PER1: variants seen among roughly 807,000 people sequenced by gnomAD.
PER1 encodes the protein period circadian regulator 1, also known as period circadian protein homolog 1.
In PER1, 87 loss-of-function variants were observed where a neutral mutation model predicts 125.9. The ratio of observed to expected loss-of-function variants is 0.69; its 90% CI spans 0.58 to 0.83. PER1 has a LOEUF of 0.83. Among genes scored for constraint, PER1 ranks in the 40% least tolerant of loss-of-function variants. PER1 has a pLI of 0.00. For synonymous variants in PER1, 801 were observed against 714.7 expected (o/e 1.12, Z -1.93); for missense variants, 1,775 against 1,722.8 (o/e 1.03, Z -0.54).
rs112743620 is a variant in PER1, at chr17:8,142,396, C to T, written c.3322G>A (p.Ala1108Thr). Residue 1108 changes from alanine to threonine, a missense_variant, in exon 21 of 23, where the codon GCT (alanine) becomes ACT (threonine). Coordinates refer to ENST00000317276, the MANE Select transcript of PER1 (RefSeq NM_002616.3). ...FGSIDSSEAE[A>T]GAARGGAEPG... The stretch of plus-strand genomic sequence containing the variant: ...TCAGCCCCGCCCCGAGCAGCCCCAG[C>T]CTCAGCCTCGGAAGAGTCGATGCTG... The T allele has an allele frequency of 1.4e-3, 2,260 of 1,611,716 alleles. 1 individual carries two copies. The highest frequency in any genetic ancestry group is 1.7e-3 in the Non-Finnish European group (2,027 of 1,179,134).
At chr17:8,147,040 G>T in intron 13 of PER1, 38 bp from the exon 14 acceptor site, 2 of 1,545,044 alleles carry the variant, frequency 1.3e-6, no homozygotes, top group East Asian at 2.2e-5. Context: ...GAACCAGGGG[G>T]TGTCGCCAGT....
intron 1 of PER1, 109 bp from the exon 2 acceptor site, chr17:8,150,954 G>A (rs1312959983): frequency 2.1e-6 from 1 of 482,600 alleles, no homozygotes. Flanking sequence ...CAGGACTGAT[G>A]GGAGTGGAAC....
chr17:8,150,104 T>C lies in PER1; in HGVS notation c.396A>G (p.Ala132=), dbSNP rs758145225. The C allele has an allele frequency of 1.2e-6, 2 of 1,614,174 alleles. No homozygotes were observed. Reference sequence around the variant, plus strand: ...CTGTCATGAGTTCCTTCTGAGTCCTTGCCCGGGCTGACTGTTCACTGCTGC... The same window carrying C: ...CTGTCATGAGTTCCTTCTGAGTCCTCGCCCGGGCTGACTGTTCACTGCTGC... ...SGCSSEQSAR[A]RTQKELMTAL... The change falls in exon 4 of 23, where the codon GCA becomes GCG. Residue 132 remains alanine (A), a synonymous_variant. Coordinates refer to ENST00000317276, the MANE Select transcript of PER1 (RefSeq NM_002616.3).
rs1287198003 is a variant in PER1, at chr17:8,144,740, C to T, written c.2461+11G>A. 6.4e-7 allele frequency: 1 copy of T among 1,558,310 alleles called. No homozygotes were observed. The highest frequency in any genetic ancestry group is 1.4e-5 in the African/African-American group (1 of 73,702). ...GCAGAGGGCAGGCTCCAGGAGGCCC[C>T]AGGTGGCTACCTCGCTCGCCAAGGG... On this transcript the variant is annotated intron_variant, in intron 18 of 22. Coordinates refer to ENST00000317276, the MANE Select transcript of PER1 (RefSeq NM_002616.3).
chr17:8,148,839 C>T, intron 7 of PER1, 53 bp from the exon 8 acceptor site: 2 of 1,599,052 alleles, frequency 1.3e-6, no homozygotes, highest in Non-Finnish European at 1.7e-6. Flanking sequence ...CCACCCACTC[C>T]TCCAACAATA....
chr17:8,144,277 C>T (rs895863133), intron 18 of PER1: 11 of 398,574 alleles, frequency 2.8e-5, no homozygotes, highest in African/African-American at 8.3e-5. Context: ...GCCTAGCTTG[C>T]AATGGAGTGA....
At position 8,141,933 on chromosome 17, in the gene PER1, G is replaced by A; in HGVS notation, c.3472C>T (p.Gln1158Ter). The part of the protein sequence containing the change: ...PSRDMTSVLK[Q>*]DRERLRAMQK... ...ATGGCTCGGAGCCGCTCCCGATCCT[G>A]CTTCAGCACAGAGGTCATGTCCCTG... The change falls in exon 22 of 23, where the codon CAG becomes TAG. Residue 1158 changes from glutamine (Q) to a stop codon, truncating the protein, a stop_gained. Transcript: ENST00000317276. LOFTEE classifies it high-confidence loss of function. 6.2e-7 allele frequency: 1 copy of A among 1,614,042 alleles called. No homozygotes were observed.
rs1598243586 is a variant in PER1 at position 8,140,878 on chromosome 17, GCT to G, written c.*188_*189del. The G allele has an allele frequency of 8.0e-6, 5 of 622,820 alleles. No individual in the cohort carries two copies. In the East Asian group the frequency reaches 1.4e-4, roughly 17 times the overall value. 38.6% of individuals were successfully genotyped at this position (622,820 alleles called of 1,614,324 possible). A position where few individuals can be genotyped will look rare whatever the true frequency, so the allele number is the denominator to read the frequency against. On this transcript the variant is annotated 3_prime_UTR_variant, in exon 23 of 23. Coordinates refer to ENST00000317276, the MANE Select transcript of PER1 (RefSeq NM_002616.3). Reference sequence around the variant, plus strand: ...CCTCTGGGCTGGGCTGCGGAGTTCTGCTCTCTGCTCCCTAAGAGGCCAGAGGC... The same window carrying G: ...CCTCTGGGCTGGGCTGCGGAGTTCTGCTCTGCTCCCTAAGAGGCCAGAGGC...
rs1982650134 is a variant in PER1 at position 8,149,072 on chromosome 17, C to T, written c.905+187G>A. ...GGCGTGGTGGCGCATGCCTGTAATC[C>T]CAGCTACTTGGGAGGCTGAGGCAGG... On this transcript the variant is annotated intron_variant, in intron 7 of 22. Coordinates refer to ENST00000317276, the MANE Select transcript of PER1 (RefSeq NM_002616.3). 1.1e-5 allele frequency: 7 copies of T among 640,276 alleles called. No individual in the cohort carries two copies. In the South Asian group the frequency reaches 1.3e-4, roughly 12 times the overall value. The allele number at this position is 640,276 out of a possible 1,614,324, so 39.7% of individuals were successfully genotyped here. A position where few individuals can be genotyped will look rare whatever the true frequency, so the allele number is the denominator to read the frequency against.
Position 8,150,675 on chromosome 17 carries a change from C to CCCCCATCAG in PER1, c.23_31dup (p.Ala8_Gly10dup). On this transcript the variant is annotated inframe_insertion, in exon 2 of 23. Coordinates refer to ENST00000317276, the MANE Select transcript of PER1 (RefSeq NM_002616.3). ...TGATTCCCCAGGCCTGGGGTCCCCTCCCCCATCAGCCCCTTCTAGGGGGCC... is the reference window on the plus strand; with the variant it reads ...TGATTCCCCAGGCCTGGGGTCCCCTCCCCCATCAGCCCCATCAGCCCCTTCTAGGGGGCC... 4 of 1,581,574 alleles carry CCCCCATCAG rather than the reference C, an allele frequency of 2.5e-6. No homozygotes were observed. The highest frequency in any genetic ancestry group is 3.4e-6 in the Non-Finnish European group (4 of 1,166,638).
chr17:8,146,442 G>A lies in PER1; in HGVS notation c.1968C>T (p.Ser656=), dbSNP rs924810318. The change falls in exon 16 of 23, where the codon TCC becomes TCT. Residue 656 remains serine, a synonymous_variant. Transcript: ENST00000317276. ...CGTCAGAGGCTGAGGAGGTGGTATA[G>A]GAGGAGGAGGAGGCACATTTACGCT... ...TTKRKCASSS[S]YTTSSASDDD... 5.6e-6 allele frequency: 9 copies of A among 1,611,014 alleles called. No individual in the cohort carries two copies. Among genetic ancestry groups the A allele is most frequent in the Non-Finnish European group, 6.8e-6 (8 of 1,178,030 alleles).
Position 8,142,755 on chromosome 17 carries a change from C to A in PER1, c.3153G>T (p.Ser1051=). The A allele has an allele frequency of 6.2e-7, 1 of 1,613,848 alleles. No individual in the cohort carries two copies. The highest frequency in any genetic ancestry group is 1.1e-5 in the South Asian group (1 of 91,088). ...AGGCTGCGGAGCCTGTGCCGGAGCGCGAGTCCTCTTGCAGCAGAAGTTCGA... is the reference window on the plus strand; with the variant it reads ...AGGCTGCGGAGCCTGTGCCGGAGCGAGAGTCCTCTTGCAGCAGAAGTTCGA... ...DLLELLLQED[S]RSGTGSAASG... The change falls in exon 20 of 23, where the codon TCG becomes TCT. Residue 1051 remains serine, a synonymous_variant. Transcript: ENST00000317276.
chr17:8,150,953 T>C (rs947652851), intron 1 of PER1, 108 bp from the exon 2 acceptor site: 2 of 483,550 alleles, frequency 4.1e-6, no homozygotes, highest in Non-Finnish European at 7.3e-6. Flanking sequence ...GCAGGACTGA[T>C]GGGAGTGGAA....
chr17:8,141,779 T>C (rs1982094962), intron 22 of PER1, 26 bp downstream of exon 22: 1 of 1,541,944 alleles, frequency 6.5e-7, no homozygotes, highest in Non-Finnish European at 8.8e-7. Flanking sequence ...CAATTCTTTT[T>C]TCTCCCCGTC....
At chr17:8,147,198 G>T in intron 13 of PER1, 52 bp downstream of exon 13, 1 of 1,560,194 alleles carries the variant, frequency 6.4e-7, no homozygotes. Flanking sequence ...CTGGTTCCAA[G>T]AAGGAGAGGG....
chr17:8,146,392 A>G lies in PER1; in HGVS notation c.2018T>C (p.Val673Ala). 6.2e-7 allele frequency: 1 copy of G among 1,610,662 alleles called. No individual in the cohort carries two copies. The highest frequency in any genetic ancestry group is 8.5e-7 in the Non-Finnish European group (1 of 1,178,280). Residue 673 changes from valine to alanine, a missense_variant, in exon 16 of 23, where the codon GTC (valine) becomes GCC (alanine). Transcript: ENST00000317276. ...TTTACCTTTCTTGGTCCCCACAGAG[A>G]CTGGACCTGTCCTCTGCCTGTCGTC... is the stretch of plus-strand genomic sequence containing the variant. ...SDDDRQRTGPVSVGTKKDPPS... is the reference protein window; with the variant it reads ...SDDDRQRTGPASVGTKKDPPS...
intron 16 of PER1, 45 bp downstream of exon 16, chr17:8,146,327 C>A (rs781344894): frequency 2.1e-5 from 32 of 1,556,252 alleles, no homozygotes; most frequent in Non-Finnish European, 2.6e-5. Context: ...ACAGGGCCAC[C>A]AGGCCAGGAC....
At chr17:8,150,378 G>C in intron 2 of PER1, 54 bp downstream of exon 2, 2 of 1,561,906 alleles carry the variant, frequency 1.3e-6, no homozygotes, top group Non-Finnish European at 1.7e-6. Flanking sequence ...CTGTCACCCA[G>C]CTCTGCCTGC....
Position 8,148,738 on chromosome 17 carries a change from T to C in PER1, c.954A>G (p.Leu318=), listed in dbSNP as rs1464829129. 1 of 1,614,004 alleles carries C rather than the reference T, an allele frequency of 6.2e-7. No individual in the cohort carries two copies. Among genetic ancestry groups the C allele is most frequent in the East Asian group, 2.2e-5 (1 of 44,872 alleles). The change falls in exon 8 of 23, where the codon CTA becomes CTG. Residue 318 remains leucine, a synonymous_variant. Coordinates refer to ENST00000317276, the MANE Select transcript of PER1 (RefSeq NM_002616.3). ...CCCGGATCTTGGTCACATACGGGGT[T>C]AGGCGGAATGGCTGGTACCGAGGCC... ...DPGPRYQPFR[L]TPYVTKIRVS...
Sources: gnomAD v4.1 joint callset for allele counts on GRCh38, gnomAD v4.1.1 for gene constraint, MANE v1.5 for transcripts, NCBI Gene and HGNC (gene_info 2026-07-23, HGNC 2026-07-21) for gene names.